Variants in ARHGEF38 observed in about 807,000 individuals in gnomAD.
ARHGEF38 encodes the protein Rho guanine nucleotide exchange factor 38.
A neutral mutation model predicts 79.9 loss-of-function variants in ARHGEF38; 79 were observed. The ratio of observed to expected loss-of-function variants is 0.99; its 90% CI spans 0.82 to 1.19. ARHGEF38 has a LOEUF of 1.19. Ranked by LOEUF, ARHGEF38 falls within the 50% of genes most tolerant of loss-of-function variation. The probability of loss-of-function intolerance (pLI) is 0.00; values close to 1 mark genes in which losing one functional copy is unlikely to be tolerated. For synonymous variants in ARHGEF38, 366 were observed against 328.3 expected (o/e 1.11, Z -1.24); for missense variants, 962 against 907.2 (o/e 1.06, Z -0.78).
At chr4:105,662,656 A>T (rs1730603846) in intron 10 of ARHGEF38, among the ~76,000 whole-genome samples, 1 of 152,170 alleles carries the variant, frequency 6.6e-6, no homozygotes, top group African/African-American at 2.4e-5. Context: ...TTTAAAAATA[A>T]TCTCTTGTTA....
intron 7 of ARHGEF38, among the ~76,000 whole-genome samples, chr4:105,650,698 T>C (rs1264579605): frequency 6.6e-6 from 1 of 152,216 alleles, no homozygotes; most frequent in African/African-American, 2.4e-5. Flanking sequence ...AGTCATGTTC[T>C]TGTTTCTTCT....
chr4:105,616,007 T>C (rs893823062), intron 3 of ARHGEF38, among the ~76,000 whole-genome samples: 2 of 152,176 alleles, frequency 1.3e-5, no homozygotes, highest in African/African-American at 4.8e-5. Flanking sequence ...GTGGCCCATG[T>C]CATGACCTAT....
intron 1 of ARHGEF38, among the ~76,000 whole-genome samples, chr4:105,568,495 T>C (rs1726052000): frequency 6.6e-6 from 1 of 152,168 alleles, no homozygotes; most frequent in Admixed American, 6.5e-5. Context: ...ACTGGGTATA[T>C]ACCCAAAGGT....
intron 13 of ARHGEF38, among the ~76,000 whole-genome samples, chr4:105,669,415 G>A (rs1730883829): frequency 6.6e-6 from 1 of 152,110 alleles, no homozygotes; most frequent in Non-Finnish European, 1.5e-5. Context: ...GCATTTGTAT[G>A]AGTATATAAG....
chr4:105,639,238 T>A (rs1729522300), intron 5 of ARHGEF38, among the ~76,000 whole-genome samples: 1 of 152,086 alleles, frequency 6.6e-6, no homozygotes, highest in Non-Finnish European at 1.5e-5. Context: ...ATGTTCATTT[T>A]TTCTAATACG....
At position 105,589,398 on chromosome 4, in the gene ARHGEF38, G is replaced by A. The variant is rs764271968; in HGVS notation, c.347G>A (p.Cys116Tyr). ...GATTATCTCAATGATCTAGAGCTGTGTGTTAGGGAAGTGGTTCAGCCCCTG... is the reference window on the plus strand; with the variant it reads ...GATTATCTCAATGATCTAGAGCTGTATGTTAGGGAAGTGGTTCAGCCCCTG... ...EKDYLNDLEL[C>Y]VREVVQPLRN... is the part of the protein sequence containing the mutation. The change falls in exon 2 of 14, where the codon TGT becomes TAT. Residue 116 changes from cysteine to tyrosine, a missense_variant. By Grantham distance (194) the Cys-to-Tyr change is radical. Transcript: ENST00000420470. The A allele has an allele frequency of 3.7e-6, 6 of 1,613,178 alleles. No individual in the cohort carries two copies. The African/African-American group carries it at 8.0e-5, about 22-fold the overall frequency.
intron 2 of ARHGEF38, among the ~76,000 whole-genome samples, chr4:105,599,055 T>A (rs1475953357): frequency 6.6e-6 from 1 of 152,156 alleles, no homozygotes; most frequent in South Asian, 2.1e-4. Context: ...GGAAAACACA[T>A]AGTTTGCTGT....
intron 3 of ARHGEF38, among the ~76,000 whole-genome samples, chr4:105,614,506 T>A (rs1248046166): frequency 6.6e-6 from 1 of 152,186 alleles, no homozygotes; most frequent in East Asian, 1.9e-4. Flanking sequence ...GTCATGGAAC[T>A]GGTCTTGTTT....
chr4:105,634,607 T>G (rs1729326641), intron 4 of ARHGEF38, among the ~76,000 whole-genome samples: 1 of 152,168 alleles, frequency 6.6e-6, no homozygotes, highest in Non-Finnish European at 1.5e-5. Flanking sequence ...ATAGCCTGTC[T>G]GTTGCCTCCT....
intron 2 of ARHGEF38, among the ~76,000 whole-genome samples, chr4:105,591,422 G>T (rs768846501): frequency 2.0e-5 from 3 of 152,062 alleles, no homozygotes; most frequent in Non-Finnish European, 2.9e-5. Context: ...GTAGAGACGG[G>T]GTTTCACAGT....
Position 105,679,512 on chromosome 4 carries a change from A to C in ARHGEF38, c.*1575A>C. 7.0e-7 allele frequency: 1 copy of C among 1,425,046 alleles called. No individual in the cohort carries two copies. The highest frequency in any genetic ancestry group is 9.9e-7 in the Non-Finnish European group (1 of 1,010,464). The allele number at this position is 1,425,046 out of a possible 1,614,324, so 88.3% of individuals were successfully genotyped here. A position where few individuals can be genotyped will look rare whatever the true frequency, so the allele number is the denominator to read the frequency against. On this transcript the variant is annotated 3_prime_UTR_variant, in exon 14 of 14. Transcript: ENST00000420470. ...AGAGTTGATTAAAGATCATGGTTCA[A>C]AGCTTGATACACCAGAAATGTGGGC...
intron 2 of ARHGEF38, among the ~76,000 whole-genome samples, chr4:105,609,778 TA>T (rs1401880851): frequency 6.6e-6 from 1 of 152,120 alleles, no homozygotes; most frequent in Non-Finnish European, 1.5e-5. Flanking sequence ...TGTAAAGCAA[TA>T]AATTAAATTG....
chr4:105,556,435 G>A (rs1560680101), intron 1 of ARHGEF38, among the ~76,000 whole-genome samples: 2 of 152,150 alleles, frequency 1.3e-5, no homozygotes, highest in Non-Finnish European at 2.9e-5. Flanking sequence ...TCCACAAAAG[G>A]AGGAAACGGT....
At chr4:105,649,830 A>G (rs1457835407) in intron 7 of ARHGEF38, among the ~76,000 whole-genome samples, 1 of 152,330 alleles carries the variant, frequency 6.6e-6, no homozygotes, top group African/African-American at 2.4e-5. Flanking sequence ...CACTATTCAT[A>G]TTTGCAGGAG....
chr4:105,674,701 A>T (rs1006188470), intron 13 of ARHGEF38, among the ~76,000 whole-genome samples: 35 of 152,122 alleles, frequency 2.3e-4, no homozygotes, highest in Non-Finnish European at 4.0e-4. Context: ...ATTTTGGGTC[A>T]TGATTATCTA....
chr4:105,587,264 C>T (rs1727098329), intron 1 of ARHGEF38, among the ~76,000 whole-genome samples: 1 of 152,096 alleles, frequency 6.6e-6, no homozygotes, highest in Non-Finnish European at 1.5e-5. Flanking sequence ...GCTGCAATTG[C>T]ACCACTGCAT....
chr4:105,594,952 C>G (rs1727512797), intron 2 of ARHGEF38, among the ~76,000 whole-genome samples: 1 of 152,110 alleles, frequency 6.6e-6, no homozygotes, highest in Non-Finnish European at 1.5e-5. Flanking sequence ...GAGAGATACT[C>G]TATGTTTTTG....
intron 2 of ARHGEF38, among the ~76,000 whole-genome samples, chr4:105,597,748 A>C (rs541256568): frequency 6.6e-6 from 1 of 152,228 alleles, no homozygotes; most frequent in African/African-American, 2.4e-5. Context: ...CACACATTCT[A>C]TTGTTTTGCA....
At chr4:105,659,033 G>A (rs912627423) in intron 9 of ARHGEF38, 21 bp from the exon 10 acceptor site, 7 of 1,517,778 alleles carry the variant, frequency 4.6e-6, no homozygotes, top group East Asian at 4.9e-5. Flanking sequence ...TCTGAAATGG[G>A]CTCATTTTTT....
Sources: gnomAD v4.1 joint callset for allele counts (sites outside exome capture counted in the v4.1 genomes callset) on GRCh38, gnomAD v4.1.1 for gene constraint, MANE v1.5 for transcripts, NCBI Gene and HGNC (gene_info 2026-07-23, HGNC 2026-07-21) for gene names.